The following GALM variants were observed in gnomAD, a reference collection of about 807,000 sequenced individuals.
GALM encodes galactose mutarotase.
GALM carries 43 observed loss-of-function variants against 37.4 expected under a neutral mutation model. The observed-to-expected ratio is 1.15, with a 90% CI of 0.90 to 1.48. The LOEUF is 1.48. Among genes scored for constraint, GALM ranks in the 40% most tolerant of loss-of-function variants. GALM has a pLI of 0.00. For synonymous variants in GALM, 199 were observed against 170.6 expected (o/e 1.17, Z -1.30); for missense variants, 456 against 419.1 (o/e 1.09, Z -0.77).
intron 1 of GALM, among the ~76,000 whole-genome samples, chr2:38,674,374 G>C (rs1043952028): frequency 6.6e-6 from 1 of 151,910 alleles, no homozygotes; most frequent in African/African-American, 2.4e-5. Flanking sequence ...ATTTTTAGTG[G>C]AGACGGGGTT....
chr2:38,691,296 C>T (rs1665666224), intron 4 of GALM, among the ~76,000 whole-genome samples: 1 of 152,178 alleles, frequency 6.6e-6, no homozygotes, highest in Non-Finnish European at 1.5e-5. Context: ...CATTTAAAGG[C>T]CTGTAAAGGC....
At chr2:38,690,455 G>A (rs973860735) in intron 4 of GALM, among the ~76,000 whole-genome samples, 1 of 151,992 alleles carries the variant, frequency 6.6e-6, no homozygotes, top group African/African-American at 2.4e-5. Context: ...GGTGCGGGAG[G>A]GGATAGGGTC....
intron 5 of GALM, among the ~76,000 whole-genome samples, chr2:38,731,449 C>T (rs545464709): frequency 1.3e-5 from 2 of 151,698 alleles, no homozygotes; most frequent in Admixed American, 1.3e-4. Flanking sequence ...ACCTTCCTCT[C>T]TCCAACCTGG....
At chr2:38,699,604 G>C (rs554936806) in intron 4 of GALM, among the ~76,000 whole-genome samples, 9 of 152,144 alleles carry the variant, frequency 5.9e-5, no homozygotes, top group South Asian at 2.1e-4. Context: ...GATCACCTGA[G>C]GTCAGGAGTT....
chr2:38,689,953 G>T, intron 4 of GALM, 59 bp downstream of exon 4: 2 of 931,392 alleles, frequency 2.1e-6, no homozygotes, highest in Non-Finnish European at 3.4e-6. Context: ...TCGAGGCCAA[G>T]AAAGGACATT....
rs149949698 is a variant in GALM, at chr2:38,675,812, G to A, written c.191-100G>A. 4.9e-5 allele frequency: 52 copies of A among 1,069,374 alleles called. 1 individual carries two copies. The Admixed American group carries it at 7.7e-4, about 16-fold the overall frequency. The allele number at this position is 1,069,374 out of a possible 1,614,324, so 66.2% of individuals were successfully genotyped here. On this transcript the variant is annotated intron_variant, in intron 1 of 6. Transcript: ENST00000272252. ...TCTCGATCTCCTGACCTTGTGATCCGCCTGCCTCGGCCTCCCATAGTGCTG... is the reference window on the plus strand; with the variant it reads ...TCTCGATCTCCTGACCTTGTGATCCACCTGCCTCGGCCTCCCATAGTGCTG...
At chr2:38,709,894 C>A (rs1666114172) in intron 4 of GALM, among the ~76,000 whole-genome samples, 1 of 152,214 alleles carries the variant, frequency 6.6e-6, no homozygotes. Context: ...CCCTTTACCG[C>A]AGGCCTCCTT....
intron 4 of GALM, among the ~76,000 whole-genome samples, chr2:38,705,410 C>A (rs1207951108): frequency 6.6e-6 from 1 of 152,190 alleles, no homozygotes; most frequent in Non-Finnish European, 1.5e-5. Flanking sequence ...AACACTGTCT[C>A]TGCCCTTGAG....
intron 4 of GALM, among the ~76,000 whole-genome samples, chr2:38,708,182 AC>A (rs2148446983): frequency 6.6e-6 from 1 of 151,630 alleles, no homozygotes; most frequent in Non-Finnish European, 1.5e-5. Flanking sequence ...CACCTGTAGT[AC>A]CAGTTGCTTG....
intron 4 of GALM, among the ~76,000 whole-genome samples, chr2:38,717,238 G>A (rs1230293279): frequency 2.7e-5 from 4 of 149,484 alleles, no homozygotes; most frequent in East Asian, 2.0e-4. Context: ...CAACAAGAGC[G>A]AAACTCCATC....
intron 1 of GALM, chr2:38,668,695 A>G (rs1265086932): frequency 6.6e-6 from 1 of 152,108 alleles, no homozygotes; most frequent in Admixed American, 6.6e-5. Context: ...CTAGGAGTCC[A>G]AAGTGGGAGG....
At chr2:38,674,011 A>G (rs1665179478) in intron 1 of GALM, among the ~76,000 whole-genome samples, 1 of 152,042 alleles carries the variant, frequency 6.6e-6, no homozygotes, top group Non-Finnish European at 1.5e-5. Flanking sequence ...TATGTAGTTA[A>G]TTCAAATTTT....
chr2:38,673,923 G>A (rs1243496487), intron 1 of GALM, among the ~76,000 whole-genome samples: 3 of 151,986 alleles, frequency 2.0e-5, no homozygotes, highest in East Asian at 3.9e-4. Context: ...AACAATGTAC[G>A]ATTATAGTGT....
intron 4 of GALM, among the ~76,000 whole-genome samples, chr2:38,702,358 TA>T (rs1328147800): frequency 3.3e-5 from 5 of 149,550 alleles, no homozygotes; most frequent in Non-Finnish European, 5.9e-5. Flanking sequence ...TTTTAAAACT[TA>T]AAAAAAAAAT....
intron 4 of GALM, among the ~76,000 whole-genome samples, chr2:38,720,856 T>C (rs923121414): frequency 7.2e-5 from 11 of 152,204 alleles, no homozygotes; most frequent in African/African-American, 2.7e-4. Flanking sequence ...AGGGCAAATG[T>C]CTTGAGAGAG....
intron 1 of GALM, chr2:38,669,015 C>T (rs1665023080): frequency 6.6e-6 from 1 of 151,074 alleles, no homozygotes; most frequent in Admixed American, 6.6e-5. Flanking sequence ...AACCAGAGGT[C>T]AGAATGGTTC....
At chr2:38,684,261 T>G (rs954135759) in intron 3 of GALM, among the ~76,000 whole-genome samples, 1 of 152,200 alleles carries the variant, frequency 6.6e-6, no homozygotes, top group African/African-American at 2.4e-5. Flanking sequence ...AGGGGAGAAC[T>G]GGCTTTGTCA....
At chr2:38,668,512 G>C (rs964616230) in intron 1 of GALM, 1 of 152,236 alleles carries the variant, frequency 6.6e-6, no homozygotes, top group Non-Finnish European at 1.5e-5. Context: ...AACAGTGGTT[G>C]TTAAGAAAGG....
intron 1 of GALM, chr2:38,668,624 G>A (rs548873989): frequency 6.6e-6 from 1 of 152,140 alleles, no homozygotes; most frequent in South Asian, 2.1e-4. Context: ...ACAAACAGAG[G>A]TAAATAATTT....
Sources: gnomAD v4.1 joint callset for allele counts (sites outside exome capture counted in the v4.1 genomes callset) on GRCh38, gnomAD v4.1.1 for gene constraint, MANE v1.5 for transcripts, NCBI Gene and HGNC (gene_info 2026-07-23, HGNC 2026-07-21) for gene names.